RALYL: variants seen among roughly 807,000 people sequenced by gnomAD.
The protein encoded by RALYL is RALY RNA binding protein like, also known as RNA-binding Raly-like protein.
Under a neutral mutation model 35.1 loss-of-function variants are expected in RALYL, and 29 were observed. The observed-to-expected ratio is 0.83, with a 90% CI of 0.61 to 1.13. The LOEUF (loss-of-function observed/expected upper bound fraction) is 1.13. Ranked by LOEUF, RALYL falls within the 50% of genes most tolerant of loss-of-function variation. RALYL has a pLI of 0.00. For synonymous variants in RALYL, 120 were observed against 127.6 expected, an observed-to-expected ratio of 0.94 and a Z score of 0.40; for missense variants, 359 against 360.4, an observed-to-expected ratio of 1.00 and a Z score of 0.03.
intron 1 of RALYL, among the ~76,000 whole-genome samples, chr8:84,201,072 C>T (rs1816714971): frequency 6.6e-6 from 1 of 152,110 alleles, no homozygotes; most frequent in African/African-American, 2.4e-5. Flanking sequence ...AAATAAAGTT[C>T]AGGGTTAAGA....
intron 2 of RALYL, among the ~76,000 whole-genome samples, chr8:84,690,964 C>T (rs1210166439): frequency 6.6e-6 from 1 of 151,980 alleles, no homozygotes; most frequent in African/African-American, 2.4e-5. Context: ...GACATAACTA[C>T]TTTCAAATGG....
intron 2 of RALYL, among the ~76,000 whole-genome samples, chr8:84,718,603 A>C (rs1451843072): frequency 6.6e-6 from 1 of 151,810 alleles, no homozygotes; most frequent in Non-Finnish European, 1.5e-5. Flanking sequence ...ATCTCTACTA[A>C]AAATACAGAA....
intron 1 of RALYL, among the ~76,000 whole-genome samples, chr8:84,484,488 C>T (rs558221044): frequency 1.9e-3 from 290 of 152,020 alleles, no homozygotes; most frequent in African/African-American, 2.9e-3. Flanking sequence ...GAAGAAAGAA[C>T]GTAAGCAAAA....
At chr8:84,807,963 G>A (rs893785368) in intron 4 of RALYL, among the ~76,000 whole-genome samples, 4 of 152,126 alleles carry the variant, frequency 2.6e-5, no homozygotes, top group African/African-American at 9.7e-5. Context: ...CACTCTGTGG[G>A]TTGTCTGTTC....
Position 84,515,058 on chromosome 8 carries a change from A to C in RALYL, c.-23-14241A>C, listed in dbSNP as rs190301832. On this transcript the variant is annotated intron_variant, in intron 1 of 8. Transcript: ENST00000521268. ...TGGCTTCTGGTCTCTCAAGCCTATA[A>C]AATCTACTTATGTAGTTGCAATAAT... 2.0e-5 allele frequency among the ~76,000 whole-genome samples: 3 copies of C among 152,332 alleles called. No homozygotes were observed. In the East Asian group the frequency reaches 5.8e-4, roughly 29 times the overall value.
At chr8:84,908,362 C>T (rs2135652350) in intron 8 of RALYL, among the ~76,000 whole-genome samples, 1 of 152,234 alleles carries the variant, frequency 6.6e-6, no homozygotes, top group Non-Finnish European at 1.5e-5. Context: ...CTCCACATTT[C>T]CCTCACCTCC....
intron 1 of RALYL, among the ~76,000 whole-genome samples, chr8:84,496,825 C>T (rs1230368163): frequency 2.0e-5 from 3 of 152,080 alleles, no homozygotes; most frequent in East Asian, 1.9e-4. Context: ...TGTCTTCAAC[C>T]TTATCCCATT....
intron 2 of RALYL, among the ~76,000 whole-genome samples, chr8:84,672,454 T>C (rs752998297): frequency 1.3e-5 from 2 of 152,188 alleles, no homozygotes; most frequent in Non-Finnish European, 2.9e-5. Context: ...GTTACCCAGT[T>C]CCAAAGTAAC....
chr8:84,849,330 A>C (rs1474998754), intron 4 of RALYL, among the ~76,000 whole-genome samples: 2 of 152,132 alleles, frequency 1.3e-5, no homozygotes, highest in Non-Finnish European at 1.5e-5. Flanking sequence ...AAAATCCTGA[A>C]TTTCCAAGGA....
intron 2 of RALYL, among the ~76,000 whole-genome samples, chr8:84,756,168 A>C (rs528779642): frequency 9.9e-5 from 15 of 152,146 alleles, no homozygotes; most frequent in South Asian, 4.1e-4. Context: ...CATCCCCCCC[A>C]AAAAAACCAA....
chr8:84,401,425 C>T (rs113047029), intron 1 of RALYL, among the ~76,000 whole-genome samples: 4,285 of 151,840 alleles, frequency 0.028, 197 homozygotes, highest in African/African-American at 0.097. Context: ...ATCACGAGGT[C>T]AGGAGATCGA....
At chr8:84,796,689 T>C (rs545274566) in intron 3 of RALYL, among the ~76,000 whole-genome samples, 16 of 152,328 alleles carry the variant, frequency 1.1e-4, no homozygotes, top group African/African-American at 2.9e-4. Context: ...AGATTACAAA[T>C]AGTTAAGGAT....
chr8:84,604,315 G>A (rs1816646892), intron 2 of RALYL, among the ~76,000 whole-genome samples: 3 of 152,072 alleles, frequency 2.0e-5, no homozygotes, highest in African/African-American at 2.4e-5. Context: ...GAAAGACCTC[G>A]ATTTTGGCTG....
At chr8:84,344,459 A>G (rs1849436538) in intron 1 of RALYL, among the ~76,000 whole-genome samples, 1 of 152,038 alleles carries the variant, frequency 6.6e-6, no homozygotes, top group Admixed American at 6.6e-5. Context: ...GGATGATTGC[A>G]TTAACCTGCT....
chr8:84,467,780 G>T (rs1191179589), intron 1 of RALYL, among the ~76,000 whole-genome samples: 2 of 145,988 alleles, frequency 1.4e-5, no homozygotes, highest in African/African-American at 5.1e-5. Context: ...GGGAGTCTAA[G>T]TCTCTTTGTA....
At chr8:84,596,820 GA>G (rs1353479583) in intron 2 of RALYL, among the ~76,000 whole-genome samples, 2 of 151,958 alleles carry the variant, frequency 1.3e-5, no homozygotes, top group Non-Finnish European at 2.9e-5. Flanking sequence ...GATTTTCTTT[GA>G]TTTGCTCTTG....
intron 6 of RALYL, chr8:84,873,002 T>C (rs1840496884): frequency 3.8e-6 from 1 of 264,778 alleles, no homozygotes; most frequent in Admixed American, 5.3e-5. Flanking sequence ...ATCATTGGGT[T>C]ATTTTAAAAA....
At chr8:84,654,056 G>T (rs1054147695) in intron 2 of RALYL, among the ~76,000 whole-genome samples, 1 of 148,110 alleles carries the variant, frequency 6.8e-6, no homozygotes, top group Non-Finnish European at 1.5e-5. Flanking sequence ...TTGTGGATAC[G>T]TAGTATATGT....
At chr8:84,320,351 C>CAT (rs373932180) in intron 1 of RALYL, among the ~76,000 whole-genome samples, 1,897 of 151,256 alleles carry the variant, frequency 0.013, 52 homozygotes, top group African/African-American at 0.044. Flanking sequence ...TTTCTCTCAC[C>CAT]ATATATATAT....
Sources: allele counts gnomAD v4.1 joint callset (sites outside exome capture counted in the v4.1 genomes callset), GRCh38; gene constraint gnomAD v4.1.1; transcripts MANE v1.5; gene names NCBI Gene and HGNC (gene_info 2026-07-23, HGNC 2026-07-21).